RNF213: variants seen among roughly 807,000 people sequenced by gnomAD.
The protein encoded by RNF213 is ring finger protein 213, also known as E3 ubiquitin-protein ligase RNF213.
Under a neutral mutation model 514.4 loss-of-function variants are expected in RNF213, and 341 were observed. The ratio of observed to expected loss-of-function variants is 0.66; its 90% CI spans 0.61 to 0.73. The LOEUF is 0.73. RNF213 is among the 30% of genes least tolerant of loss of function. The pLI is 0.00. For missense variants in RNF213, 5,767 were observed against 6,615.6 expected (o/e 0.87, Z 4.45); for synonymous variants, 2,655 against 2,658.2 (o/e 1.00, Z 0.04).
intron 8 of RNF213, among the ~76,000 whole-genome samples, chr17:80,293,127 G>C (rs1211326449): frequency 6.6e-6 from 1 of 151,796 alleles, no homozygotes; most frequent in East Asian, 1.9e-4. Flanking sequence ...GCACGATCTC[G>C]GCTCACTACA....
In RNF213 at chr17:80,372,736, C is replaced by T. The variant is rs2079565718; in HGVS notation, c.12751+2C>T. On this transcript the variant is annotated splice_donor_variant, in intron 48 of 67. Transcript: ENST00000582970. LOFTEE classifies it low-confidence loss of function (GC_TO_GT_DONOR). ...TCTCGGAGCCTGAGGGAGGCCCAGG[C>T]AAGTCTTCTCTGCCTTGCTTTCCTT... The T allele has an allele frequency of 1.9e-6, 3 of 1,612,792 alleles. No individual in the cohort carries two copies. The African/African-American group carries it at 4.0e-5, about 22-fold the overall frequency.
chr17:80,322,348 G>A (rs1168636950), intron 17 of RNF213, among the ~76,000 whole-genome samples: 1 of 151,758 alleles, frequency 6.6e-6, no homozygotes, highest in Non-Finnish European at 1.5e-5. Flanking sequence ...AATTTCTGTG[G>A]GCCGGGCATG....
rs1191022087 is a variant in RNF213, at chr17:80,386,964, C to CGA, written c.14922+79_14922+80dup. The stretch of plus-strand genomic sequence containing the variant: ...AACAAGCAGCCCTTGGTGTGTTTCT[C>CGA]GAGAGAGGGAAGCAGCACCTCACCC... On this transcript the variant is annotated intron_variant, in intron 63 of 67. Coordinates refer to ENST00000582970, the MANE Select transcript of RNF213 (RefSeq NM_001256071.3). 6 of 1,425,772 alleles carry CGA rather than the reference C, an allele frequency of 4.2e-6. No individual in the cohort carries two copies. In the Admixed American group the frequency reaches 5.9e-5, roughly 14 times the overall value. 88.3% of individuals were successfully genotyped at this position (1,425,772 alleles called of 1,614,324 possible). A position where few individuals can be genotyped will look rare whatever the true frequency, so the allele number is the denominator to read the frequency against.
rs144803027 is a variant in RNF213 at position 80,263,909 on chromosome 17, A to C, written c.97+131A>C. The C allele has an allele frequency of 2.8e-6, 2 of 714,068 alleles. No individual in the cohort carries two copies. The allele number at this position is 714,068 out of a possible 1,614,324, so 44.2% of individuals were successfully genotyped here. On this transcript the variant is annotated intron_variant, in intron 2 of 67. Transcript: ENST00000582970. The surrounding 1 kb of genome is among the most constrained non-coding windows in gnomAD (Gnocchi z 4.9). The stretch of plus-strand genomic sequence containing the variant: ...GGGCCGAGGTCCTCTGTGGCTACTG[A>C]GGCTCTGTGGCTCTGAATAGCCATC...
intron 3 of RNF213, among the ~76,000 whole-genome samples, chr17:80,280,072 C>G (rs1411932391): frequency 6.6e-6 from 1 of 152,134 alleles, no homozygotes; most frequent in Admixed American, 6.5e-5. Flanking sequence ...CAGAAGCCTT[C>G]AAGGCAGGCA....
chr17:80,352,821 C>T (rs985112373), intron 32 of RNF213, 119 bp from the exon 33 acceptor site: 1 of 1,493,246 alleles, frequency 6.7e-7, no homozygotes, highest in African/African-American at 1.4e-5. Flanking sequence ...CTTCAGGGTG[C>T]CAGTCATTCA....
chr17:80,290,441 A>T, intron 6 of RNF213, 129 bp from the exon 7 acceptor site: 1 of 1,093,360 alleles, frequency 9.1e-7, no homozygotes, highest in Non-Finnish European at 1.4e-6. Context: ...GCGTGTGTGC[A>T]TGTGTGTGTG....
intron 2 of RNF213, among the ~76,000 whole-genome samples, chr17:80,270,493 G>T (rs1453309772): frequency 6.6e-6 from 1 of 152,206 alleles, no homozygotes; most frequent in East Asian, 1.9e-4. Context: ...CTGCCTTCTA[G>T]ATTTCTATTC....
intron 37 of RNF213, 35 bp from the exon 38 acceptor site, chr17:80,360,026 A>G (rs182259605): frequency 9.9e-6 from 16 of 1,612,552 alleles, no homozygotes; most frequent in African/African-American, 1.3e-5. Context: ...GACGTCTCAC[A>G]AACCCTCTTC....
At position 80,377,793 on chromosome 17, in the gene RNF213, A is replaced by G; in HGVS notation, c.13542A>G (p.Gly4514=). ...CCAACGGCCATCCTTGCTCCGTGGG[A>G]GAGGTGAGTCTTGGTATTTAAGATA... The part of the protein sequence containing the change: ...TCPNGHPCSV[G]ECGRPMEQSI... The change falls in exon 54 of 68, where the codon GGA becomes GGG. Residue 4514 remains glycine (G), a synonymous_variant. Coordinates refer to ENST00000582970, the MANE Select transcript of RNF213 (RefSeq NM_001256071.3). The surrounding 1 kb of genome is among the most constrained non-coding windows in gnomAD (Gnocchi z 4.1). 5.0e-6 allele frequency: 8 copies of G among 1,613,998 alleles called. No individual in the cohort carries two copies. The highest frequency in any genetic ancestry group is 6.8e-6 in the Non-Finnish European group (8 of 1,179,996).
chr17:80,319,424 G>A (rs770042311), intron 17 of RNF213, 112 bp downstream of exon 17: 1 of 1,614,228 alleles, frequency 6.2e-7, no homozygotes, highest in South Asian at 1.1e-5. Context: ...CGCTAACTCA[G>A]AGATTGGGAA....
chr17:80,377,171 CTT>C lies in RNF213; in HGVS notation c.13510+210_13510+211del, dbSNP rs879421935. 2 of 589,424 alleles carry C rather than the reference CTT, an allele frequency of 3.4e-6. No homozygotes were observed. Among genetic ancestry groups the C allele is most frequent in the Non-Finnish European group, 3.0e-6 (1 of 328,092 alleles). The allele number at this position is 589,424 out of a possible 1,614,324, so 36.5% of individuals were successfully genotyped here. A position where few individuals can be genotyped will look rare whatever the true frequency, so the allele number is the denominator to read the frequency against. ...CTAGATGATCCAAACCATTTCATTT[CTT>C]TGTCGTGTGGAAAAGGCCCTCTGTG... On this transcript the variant is annotated intron_variant, in intron 53 of 67. Transcript: ENST00000582970. The surrounding 1 kb of genome is among the most constrained non-coding windows in gnomAD (Gnocchi z 4.1).
rs1249141414 is a variant in RNF213 at position 80,358,438 on chromosome 17, C to CA, written c.11014dup (p.Thr3672AsnfsTer12). 2 of 1,614,170 alleles carry CA rather than the reference C, an allele frequency of 1.2e-6. No individual in the cohort carries two copies. Among genetic ancestry groups the CA allele is most frequent in the Non-Finnish European group, 1.7e-6 (2 of 1,179,998 alleles). On this transcript the variant is annotated frameshift_variant, in exon 37 of 68. Transcript: ENST00000582970. LOFTEE classifies it high-confidence loss of function. ...ATCTTTGGATGTTTATTTTCAGTGA[C>CA]ACGATGCTTCTGAACATTCCTCTTG...
chr17:80,291,772 G>A lies in RNF213; in HGVS notation c.1416G>A (p.Lys472=). The A allele has an allele frequency of 6.8e-6, 11 of 1,614,228 alleles. No individual in the cohort carries two copies. The highest frequency in any genetic ancestry group is 8.5e-6 in the Non-Finnish European group (10 of 1,180,052). Residue 472 remains lysine (K), a synonymous_variant, in exon 8 of 68, where the codon AAG becomes AAA. Coordinates refer to ENST00000582970, the MANE Select transcript of RNF213 (RefSeq NM_001256071.3). ...TCATTTACAAGCACCAGCAGAAGAA[G>A]GGCGAGTACGTCAACCGCTGTCTGT... ...YEFIYKHQQK[K]GEYVNRCLFI... is the part of the protein sequence containing the mutation.
chr17:80,340,041 T>G lies in RNF213; in HGVS notation c.5674T>G (p.Tyr1892Asp), dbSNP rs1231299070. The G allele has an allele frequency of 6.4e-7, 1 of 1,553,728 alleles. No individual in the cohort carries two copies. Among genetic ancestry groups the G allele is most frequent in the Non-Finnish European group, 8.7e-7 (1 of 1,153,928 alleles). Residue 1892 changes from tyrosine (Y) to aspartate (D), a missense_variant, in exon 26 of 68, where the codon TAC (tyrosine) becomes GAC (aspartate). Transcript: ENST00000582970. ...CCTGGGCTCCCTGGGGCACAAGGTC[T>G]ACAGCCTGCTGTTCGCAGATCAGCT... ...LTLGSLGHKV[Y>D]SLLFADQLSY...
At chr17:80,266,805 C>T (rs1016187917) in intron 2 of RNF213, among the ~76,000 whole-genome samples, 1 of 152,156 alleles carries the variant, frequency 6.6e-6, no homozygotes, top group African/African-American at 2.4e-5. Context: ...CGCACCTGGC[C>T]TCATGTCTCT....
rs1446292600 is a variant in RNF213 at position 80,275,675 on chromosome 17, T to G, written c.261+2271T>G. 2.6e-5 allele frequency among the ~76,000 whole-genome samples: 4 copies of G among 152,220 alleles called. No individual in the cohort carries two copies. In the East Asian group the frequency reaches 5.8e-4, roughly 22 times the overall value. On this transcript the variant is annotated intron_variant, in intron 3 of 67. Transcript: ENST00000582970. ...TTTTTTCTTTATTTTATTTTATTTT[T>G]TTTTGAGATGGAGTCTCACTCCTTT...
chr17:80,328,120 C>G (rs1484608215), intron 19 of RNF213, 131 bp downstream of exon 19: 1 of 1,197,414 alleles, frequency 8.4e-7, no homozygotes, highest in East Asian at 2.6e-5. Context: ...TCTCTTCTTG[C>G]TCATAAGTTG....
chr17:80,383,989 A>C, intron 59 of RNF213, 61 bp downstream of exon 59: 1 of 1,601,930 alleles, frequency 6.2e-7, no homozygotes, highest in Non-Finnish European at 8.6e-7. Flanking sequence ...AGCAGGCCTG[A>C]AGGCCCTGGG....
Sources: gnomAD v4.1 joint callset for allele counts (sites outside exome capture counted in the v4.1 genomes callset) on GRCh38, gnomAD v4.1.1 for gene constraint, Gnocchi (gnomAD v3.1) non-coding constraint, MANE v1.5 for transcripts, NCBI Gene and HGNC (gene_info 2026-07-23, HGNC 2026-07-21) for gene names.